The following MIR2052HG variants were observed in gnomAD, a reference collection of about 807,000 sequenced individuals.
MIR2052HG encodes the protein MIR2052 host gene.
At chr8:74,622,951 T>C (rs889414376) in intron 2 of MIR2052HG, among the ~76,000 whole-genome samples, 6 of 152,112 alleles carry the variant, frequency 3.9e-5, no homozygotes, top group African/African-American at 1.4e-4. Context: ...ATCTCACTTA[T>C]AAGGGTCACA....
chr8:74,705,205 T>C (rs1013670729), intron 4 of MIR2052HG, among the ~76,000 whole-genome samples: 3 of 152,080 alleles, frequency 2.0e-5, no homozygotes, highest in Non-Finnish European at 4.4e-5. Flanking sequence ...TTTAGGGACA[T>C]GCCAAAAGTT....
intron 4 of MIR2052HG, among the ~76,000 whole-genome samples, chr8:74,744,372 T>C (rs1809860903): frequency 6.6e-6 from 1 of 151,994 alleles, no homozygotes; most frequent in African/African-American, 2.4e-5. Context: ...ATGTGCACAA[T>C]GTGCAGGTTA....
At chr8:74,644,262 G>A (rs1314724363) in intron 2 of MIR2052HG, among the ~76,000 whole-genome samples, 1 of 152,140 alleles carries the variant, frequency 6.6e-6, no homozygotes, top group East Asian at 1.9e-4. Context: ...CGCGACAGTG[G>A]TCCTGTAAGA....
chr8:74,618,352 T>C (rs1477638207), intron 2 of MIR2052HG, among the ~76,000 whole-genome samples: 1 of 152,198 alleles, frequency 6.6e-6, no homozygotes, highest in Admixed American at 6.5e-5. Flanking sequence ...AAAAGCTCCA[T>C]GAGGAAAGGG....
chr8:74,727,879 ATGT>A (rs1809652935), intron 4 of MIR2052HG, among the ~76,000 whole-genome samples: 1 of 150,724 alleles, frequency 6.6e-6, no homozygotes, highest in African/African-American at 2.5e-5. Context: ...GTACATTTCC[ATGT>A]TGTTCAGCTT....
intron 1 of MIR2052HG, among the ~76,000 whole-genome samples, chr8:74,600,116 C>T (rs371894404): frequency 2.0e-4 from 30 of 152,262 alleles, no homozygotes; most frequent in Admixed American, 6.5e-4. Context: ...CACTGACCTT[C>T]GCCCACTGTC....
intron 2 of MIR2052HG, among the ~76,000 whole-genome samples, chr8:74,683,878 C>T (rs1396656981): frequency 3.3e-5 from 5 of 152,062 alleles, no homozygotes; most frequent in Admixed American, 6.6e-5. Flanking sequence ...GATGACCCTG[C>T]TATGACCACG....
intron 2 of MIR2052HG, among the ~76,000 whole-genome samples, chr8:74,666,268 A>G (rs1284724458): frequency 6.6e-6 from 1 of 152,136 alleles, no homozygotes; most frequent in Admixed American, 6.6e-5. Context: ...TTTAAAAGAG[A>G]TAAAATCACA....
intron 2 of MIR2052HG, among the ~76,000 whole-genome samples, chr8:74,669,532 T>A (rs1391992274): frequency 6.6e-6 from 1 of 152,218 alleles, no homozygotes; most frequent in Admixed American, 6.5e-5. Context: ...CTCTTGCTAA[T>A]GATTTTCCTT....
intron 2 of MIR2052HG, among the ~76,000 whole-genome samples, chr8:74,651,076 G>A (rs144673237): frequency 4.7e-5 from 7 of 150,348 alleles, no homozygotes; most frequent in Admixed American, 1.3e-4. Context: ...CTGTGTATAC[G>A]TTTGTTTCTT....
chr8:74,659,652 C>T (rs780097581), intron 2 of MIR2052HG, among the ~76,000 whole-genome samples: 72 of 152,170 alleles, frequency 4.7e-4, no homozygotes, highest in Admixed American at 2.0e-3. Context: ...CACTATGTTG[C>T]CCAGGCTGGT....
intron 2 of MIR2052HG, among the ~76,000 whole-genome samples, chr8:74,679,003 T>C (rs7832225): frequency 0.045 from 6,842 of 152,234 alleles, 371 homozygotes; most frequent in African/African-American, 0.13. Flanking sequence ...CAACATTCCA[T>C]CCATGATAAA....
intron 1 of MIR2052HG, chr8:74,603,897 A>G: frequency 2.7e-6 from 3 of 1,100,580 alleles, no homozygotes; most frequent in Non-Finnish European, 4.2e-6. Flanking sequence ...TCTTGCAACC[A>G]CCTTTTCCAA....
intron 2 of MIR2052HG, among the ~76,000 whole-genome samples, chr8:74,640,332 G>A (rs954117832): frequency 4.6e-5 from 7 of 151,820 alleles, no homozygotes; most frequent in East Asian, 3.9e-4. Flanking sequence ...TTAGCTGGGC[G>A]TGGTGGTGCT....
intron 2 of MIR2052HG, among the ~76,000 whole-genome samples, chr8:74,639,180 A>G (rs1244398096): frequency 6.6e-6 from 1 of 152,174 alleles, no homozygotes; most frequent in Non-Finnish European, 1.5e-5. Flanking sequence ...ATCTTGGTCA[A>G]TGTTAAAACT....
At chr8:74,697,739 A>G (rs1809313192) in intron 2 of MIR2052HG, among the ~76,000 whole-genome samples, 1 of 151,288 alleles carries the variant, frequency 6.6e-6, no homozygotes, top group Non-Finnish European at 1.5e-5. Flanking sequence ...GCTGCAGAAA[A>G]TAAAAACAAA....
intron 4 of MIR2052HG, among the ~76,000 whole-genome samples, chr8:74,729,708 C>T (rs1809671321): frequency 6.6e-6 from 1 of 152,128 alleles, no homozygotes; most frequent in South Asian, 2.1e-4. Context: ...CTCTTGAGCA[C>T]ATTAAAAATC....
chr8:74,609,446 G>A (rs1374554468), intron 1 of MIR2052HG, among the ~76,000 whole-genome samples: 6 of 151,734 alleles, frequency 4.0e-5, no homozygotes, highest in East Asian at 3.9e-4. Flanking sequence ...CCAATTATAC[G>A]ATGCCAGCAT....
At chr8:74,727,448 G>T (rs1296569213) in intron 4 of MIR2052HG, among the ~76,000 whole-genome samples, 1 of 152,138 alleles carries the variant, frequency 6.6e-6, no homozygotes, top group Non-Finnish European at 1.5e-5. Flanking sequence ...TTGGCTCAGA[G>T]ATTTAAAAAG....
Sources: allele counts gnomAD v4.1 joint callset (sites outside exome capture counted in the v4.1 genomes callset), GRCh38; gene constraint gnomAD v4.1.1; transcripts MANE v1.5; gene names NCBI Gene and HGNC (gene_info 2026-07-23, HGNC 2026-07-21).